Variants in NCAPH observed in about 807,000 individuals in gnomAD.
The protein encoded by NCAPH is condensin complex subunit 2.
Under a neutral mutation model 85.5 loss-of-function variants are expected in NCAPH, and 38 were observed. The observed-to-expected ratio is 0.44, with a 90% CI of 0.34 to 0.58. The LOEUF is 0.58. Ranked by LOEUF, NCAPH falls within the 20% of genes least tolerant of loss-of-function variation. The pLI, the probability that NCAPH is intolerant of heterozygous loss-of-function variation, is 0.01. For missense variants in NCAPH, 789 were observed against 916.6 expected, an observed-to-expected ratio of 0.86 and a Z score of 1.80; for synonymous variants, 301 against 335.1, an observed-to-expected ratio of 0.90 and a Z score of 1.11.
chr2:96,371,225 C>G (rs2064768871), intron 17 of NCAPH, among the ~76,000 whole-genome samples: 2 of 152,226 alleles, frequency 1.3e-5, no homozygotes, highest in South Asian at 4.2e-4. Context: ...ATTCGCACAC[C>G]ATCCTGGTGG....
chr2:96,364,493 G>T lies in NCAPH; in HGVS notation c.1600G>T (p.Ala534Ser), dbSNP rs201839137. 3.7e-6 allele frequency: 6 copies of T among 1,607,380 alleles called. No homozygotes were observed. In the East Asian group the frequency reaches 1.3e-4, roughly 36 times the overall value. Reference sequence around the variant, plus strand: ...TTCTTTCCTTTAGTTACTTAAGATGGCCCAGGGCCATAGGGTAGAGACTGA... The same window carrying T: ...TTCTTTCCTTTAGTTACTTAAGATGTCCCAGGGCCATAGGGTAGAGACTGA... ...LKPGTRLLKM[A>S]QGHRVETEHY... Residue 534 changes from alanine (A) to serine (S), a missense_variant, in exon 13 of 18, where the codon GCC becomes TCC. Transcript: ENST00000240423.
At position 96,341,684 on chromosome 2, in the gene NCAPH, G is replaced by A; in HGVS notation, c.62G>A (p.Gly21Glu). Reference protein sequence around the residue: ...TMNNSSSETRGHPHSASSPSE... With the variant: ...TMNNSSSETREHPHSASSPSE... ...AATAACTCTTCTTCAGAGACGCGAG[G>A]ACACCCCCACAGTGCCTCCTCTCCT... Residue 21 changes from glycine to glutamate, a missense_variant, in exon 2 of 18, where the codon GGA (glycine) becomes GAA (glutamate). Physicochemically the swap from Gly to Glu is moderately conservative, Grantham distance 98. Coordinates refer to ENST00000240423, the MANE Select transcript of NCAPH (RefSeq NM_015341.5). 6.2e-7 allele frequency: 1 copy of A among 1,614,160 alleles called. No individual in the cohort carries two copies.
chr2:96,375,117 A>C lies in NCAPH; in HGVS notation c.*1766A>C, dbSNP rs2064818590. On this transcript the variant is annotated 3_prime_UTR_variant, in exon 18 of 18. Coordinates refer to ENST00000240423, the MANE Select transcript of NCAPH (RefSeq NM_015341.5). ...CAGCTACTCAGAAGGCTGAGGTGGG[A>C]TAATCACTTGAGCCCAGGAGTTTGA... 6.6e-6 allele frequency among the ~76,000 whole-genome samples: 1 copy of C among 152,084 alleles called. No individual in the cohort carries two copies. The highest frequency in any genetic ancestry group is 6.5e-5 in the Admixed American group (1 of 15,268).
At chr2:96,367,148 G>C (rs2064711554) in intron 14 of NCAPH, 109 bp from the exon 15 acceptor site, 1 of 713,610 alleles carries the variant, frequency 1.4e-6, no homozygotes, top group Non-Finnish European at 2.4e-6. Flanking sequence ...CTCCTTGGTT[G>C]AAACTGGATT....
intron 1 of NCAPH, among the ~76,000 whole-genome samples, chr2:96,339,744 C>G (rs2064265627): frequency 6.6e-6 from 1 of 152,060 alleles, no homozygotes; most frequent in Non-Finnish European, 1.5e-5. Context: ...ACTAGTAACC[C>G]TAGGTTCTAA....
intron 8 of NCAPH, 43 bp from the exon 9 acceptor site, chr2:96,354,140 G>C (rs761791303): frequency 4.4e-6 from 7 of 1,585,048 alleles, no homozygotes; most frequent in Non-Finnish European, 5.2e-6. Context: ...ATTTGGGGTG[G>C]TTATAGGAAT....
At position 96,354,407 on chromosome 2, in the gene NCAPH, G is replaced by A. The variant is rs779658342; in HGVS notation, c.1208+19G>A. ...GCTGCCAGTAAGGCTCTCAGAGTCC[G>A]AAAGTGTTTCTATAGGAGTTTTCCA... is the stretch of plus-strand genomic sequence containing the variant. On this transcript the variant is annotated intron_variant, in intron 9 of 17. Transcript: ENST00000240423. The A allele has an allele frequency of 5.3e-6, 8 of 1,514,210 alleles. No individual in the cohort carries two copies. In the East Asian group the frequency reaches 9.7e-5, roughly 18 times the overall value. The allele number at this position is 1,514,210 out of a possible 1,614,324, so 93.8% of individuals were successfully genotyped here. A position where few individuals can be genotyped will look rare whatever the true frequency, so the allele number is the denominator to read the frequency against.
intron 1 of NCAPH, among the ~76,000 whole-genome samples, chr2:96,338,845 T>C (rs2064251330): frequency 6.6e-6 from 1 of 152,118 alleles, no homozygotes; most frequent in Non-Finnish European, 1.5e-5. Context: ...GAGTCTCACT[T>C]TGTCACCCAG....
At chr2:96,344,524 A>G (rs1244627298) in intron 6 of NCAPH, among the ~76,000 whole-genome samples, 3 of 152,248 alleles carry the variant, frequency 2.0e-5, no homozygotes, top group Non-Finnish European at 2.9e-5. Flanking sequence ...GTTAGCTAAC[A>G]TTTAATGTAC....
intron 15 of NCAPH, among the ~76,000 whole-genome samples, chr2:96,368,576 GA>G (rs1483339693): frequency 1.3e-4 from 20 of 152,198 alleles, no homozygotes; most frequent in African/African-American, 4.6e-4. Context: ...AGAATTGCCT[GA>G]ACCCGGGAGG....
intron 15 of NCAPH, among the ~76,000 whole-genome samples, chr2:96,367,816 C>T (rs1281758499): frequency 6.6e-6 from 1 of 152,202 alleles, no homozygotes; most frequent in Admixed American, 6.5e-5. Flanking sequence ...ATGAAACAAT[C>T]TTGATGCTAC....
rs767798217 is a variant in NCAPH at position 96,375,082 on chromosome 2, C to T, written c.*1731C>T. ...AATTAGCCAGGTACGGAGGTGTGTG[C>T]CTGTAATCCCAGCTACTCAGAAGGC... On this transcript the variant is annotated 3_prime_UTR_variant, in exon 18 of 18. Transcript: ENST00000240423. 1.3e-5 allele frequency among the ~76,000 whole-genome samples: 2 copies of T among 151,890 alleles called. No individual in the cohort carries two copies. The highest frequency in any genetic ancestry group is 2.9e-5 in the Non-Finnish European group (2 of 67,978).
At chr2:96,353,510 T>C (rs1005119330) in intron 8 of NCAPH, 113 bp downstream of exon 8, 37 of 961,612 alleles carry the variant, frequency 3.8e-5, no homozygotes, top group Middle Eastern at 2.1e-4. Flanking sequence ...GTACAGAAAA[T>C]ATTTCCTTTG....
Position 96,353,343 on chromosome 2 carries a change from C to T in NCAPH, c.948C>T (p.Cys316=), listed in dbSNP as rs2064473731. The change falls in exon 8 of 18, where the codon TGC becomes TGT. Residue 316 remains cysteine, a synonymous_variant. Transcript: ENST00000240423. ...AGTGTGCAGAAGATCGCCAGATCTG[C>T]CCTTCCCTGGCCGGGTTCCAGTTTA... ...LQQCAEDRQI[C]PSLAGFQFTQ... is the part of the protein sequence containing the mutation. 6.2e-7 allele frequency: 1 copy of T among 1,614,226 alleles called. No individual in the cohort carries two copies. The highest frequency in any genetic ancestry group is 8.5e-7 in the Non-Finnish European group (1 of 1,180,028).
At position 96,342,835 on chromosome 2, in the gene NCAPH, CA is replaced by C; in HGVS notation, c.445del (p.Thr149ProfsTer45). ...SEILKQKDTE[P>X]TNFKVAAGTL... ...ATTCTTAAACAGAAAGACACCGAAC[CA>C]ACCAACTTTAAAGTAAGAAGGATGT... On this transcript the variant is annotated frameshift_variant, in exon 4 of 18. Transcript: ENST00000240423. LOFTEE classifies it high-confidence loss of function. 1 of 1,611,194 alleles carries C rather than the reference CA, an allele frequency of 6.2e-7. No homozygotes were observed. Among genetic ancestry groups the C allele is most frequent in the Non-Finnish European group, 8.5e-7 (1 of 1,178,044 alleles).
chr2:96,364,562 G>A lies in NCAPH; in HGVS notation c.1669G>A (p.Asp557Asn). The change falls in exon 13 of 18, where the codon GAC (aspartate) becomes AAC (asparagine). Residue 557 changes from aspartate to asparagine, a missense_variant. Physicochemically the swap from Asp to Asn is conservative, Grantham distance 23. Transcript: ENST00000240423. ...IEDYDYNNPN[D>N]TSNFCPGLQA... Reference sequence around the variant, plus strand: ...AGACTATGATTACAACAACCCTAACGACACCTCCAACTTTTGCCCTGGATT... The same window carrying A: ...AGACTATGATTACAACAACCCTAACAACACCTCCAACTTTTGCCCTGGATT... 1.9e-6 allele frequency: 3 copies of A among 1,613,174 alleles called. No individual in the cohort carries two copies. Among genetic ancestry groups the A allele is most frequent in the Non-Finnish European group, 2.5e-6 (3 of 1,179,180 alleles).
chr2:96,370,286 A>G (rs550479579), intron 17 of NCAPH, among the ~76,000 whole-genome samples: 3 of 152,328 alleles, frequency 2.0e-5, no homozygotes, highest in South Asian at 2.1e-4. Context: ...CTGGGGCACC[A>G]TGGCCATGGT....
chr2:96,339,630 G>C (rs2064264546), intron 1 of NCAPH, among the ~76,000 whole-genome samples: 1 of 149,292 alleles, frequency 6.7e-6, no homozygotes, highest in Non-Finnish European at 1.5e-5. Context: ...TGAACACCTT[G>C]TCATCGTTTG....
At chr2:96,354,694 C>T (rs1050304315) in intron 9 of NCAPH, among the ~76,000 whole-genome samples, 1 of 152,160 alleles carries the variant, frequency 6.6e-6, no homozygotes, top group African/African-American at 2.4e-5. Flanking sequence ...GGCTGGTGTG[C>T]TGTGTCATAC....
Sources: allele counts gnomAD v4.1 joint callset (sites outside exome capture counted in the v4.1 genomes callset), GRCh38; gene constraint gnomAD v4.1.1; transcripts MANE v1.5; gene names NCBI Gene and HGNC (gene_info 2026-07-23, HGNC 2026-07-21).